PROCR: variants seen among roughly 807,000 people sequenced by gnomAD.
The protein encoded by PROCR is endothelial protein C receptor.
A neutral mutation model predicts 24.2 loss-of-function variants in PROCR; 22 were observed. That is an observed-to-expected ratio of 0.91 (90% CI 0.65 to 1.30). The LOEUF is 1.30. Among genes scored for constraint, PROCR ranks in the 50% most tolerant of loss-of-function variants. The pLI is 0.00. For synonymous variants in PROCR, 137 were observed against 139.2 expected (o/e 0.98, Z 0.11); for missense variants, 288 against 307.7 (o/e 0.94, Z 0.48).
chr20:35,178,507 G>GTTTTGTTTTTTTT (rs1272557859), downstream of PROCR, among the ~76,000 whole-genome samples: 290 of 34,376 alleles, frequency 8.4e-3, 107 homozygotes, highest in African/African-American at 0.023. Flanking sequence ...TCAAGTCTCA[G>GTTTTGTTTTTTTT]TTTTTTTTTT....
At chr20:35,187,403 G>A (rs181637795) in intron 1 of PROCR, among the ~76,000 whole-genome samples, 56 of 152,308 alleles carry the variant, frequency 3.7e-4, no homozygotes, top group Non-Finnish European at 1.5e-5. Context: ...TTGGGTAGCT[G>A]TAAGTGGCTT....
intron 1 of PROCR, among the ~76,000 whole-genome samples, chr20:35,212,274 C>A (rs6058205): frequency 0.03 from 4,519 of 152,210 alleles, 218 homozygotes; most frequent in African/African-American, 0.097. Flanking sequence ...ACATGGGCAG[C>A]CAGTGTCCAA....
intron 1 of PROCR, among the ~76,000 whole-genome samples, chr20:35,193,013 C>G (rs1402698131): frequency 6.6e-6 from 1 of 151,664 alleles, no homozygotes; most frequent in African/African-American, 2.4e-5. Context: ...TCAAAAGAAG[C>G]CAAACACAAA....
intron 1 of PROCR, among the ~76,000 whole-genome samples, chr20:35,205,979 C>A (rs1268738954): frequency 6.7e-6 from 1 of 149,758 alleles, no homozygotes; most frequent in Non-Finnish European, 1.5e-5. Context: ...CCGCAAATCA[C>A]ATTTCTAACA....
intron 2 of PROCR, 23 bp downstream of exon 2, chr20:35,174,976 CG>C (rs1307016317): frequency 1.6e-4 from 20 of 123,638 alleles, no homozygotes; most frequent in Non-Finnish European, 2.1e-4. Flanking sequence ...GCAGCGGGGG[CG>C]GGGTCTGGGC....
intron 1 of PROCR, among the ~76,000 whole-genome samples, chr20:35,205,530 T>C (rs1251016126): frequency 6.7e-6 from 1 of 149,612 alleles, no homozygotes; most frequent in Admixed American, 6.7e-5. Context: ...GGCAGGCGGA[T>C]CACCTGAGGT....
downstream of PROCR, among the ~76,000 whole-genome samples, chr20:35,178,276 C>T (rs540499449): frequency 2.6e-5 from 4 of 151,084 alleles, no homozygotes; most frequent in South Asian, 2.1e-4. Context: ...TGGTGGCACG[C>T]GCCTGTAATC....
chr20:35,211,462 C>A (rs1160895511), intron 1 of PROCR, among the ~76,000 whole-genome samples: 1 of 152,154 alleles, frequency 6.6e-6, no homozygotes, highest in African/African-American at 2.4e-5. Flanking sequence ...GTCATCAGGA[C>A]CTGCTGGCCT....
At chr20:35,184,139 C>G (rs896427822) in intron 1 of PROCR, among the ~76,000 whole-genome samples, 9 of 152,166 alleles carry the variant, frequency 5.9e-5, no homozygotes, top group Non-Finnish European at 1.0e-4. Flanking sequence ...CATCACACTA[C>G]CTGATTTCAA....
intron 1 of PROCR, among the ~76,000 whole-genome samples, chr20:35,197,609 G>A (rs1205290089): frequency 6.6e-6 from 1 of 151,832 alleles, no homozygotes; most frequent in African/African-American, 2.4e-5. Flanking sequence ...GGATCACAAG[G>A]TCAGGAGTTC....
At chr20:35,180,524 T>C (rs2086067893), downstream of PROCR, among the ~76,000 whole-genome samples, 1 of 152,146 alleles carries the variant, frequency 6.6e-6, no homozygotes, top group Non-Finnish European at 1.5e-5. Flanking sequence ...AAATATTCAC[T>C]CCAGAGCTCC....
intron 1 of PROCR, among the ~76,000 whole-genome samples, chr20:35,194,109 G>T (rs143610945): frequency 6.6e-6 from 1 of 152,128 alleles, no homozygotes; most frequent in Non-Finnish European, 1.5e-5. Context: ...ACTGATCATC[G>T]GTTATTGATG....
At chr20:35,173,762 C>T (rs1265964468) in intron 1 of PROCR, among the ~76,000 whole-genome samples, 2 of 152,140 alleles carry the variant, frequency 1.3e-5, no homozygotes, top group Non-Finnish European at 2.9e-5. Context: ...GAATAAACTT[C>T]GCCAGGCAGA....
At chr20:35,173,540 C>T (rs1279213968) in intron 1 of PROCR, among the ~76,000 whole-genome samples, 3 of 150,966 alleles carry the variant, frequency 2.0e-5, no homozygotes, top group East Asian at 1.9e-4. Flanking sequence ...GGCGATTCTC[C>T]TGCCTCAGCC....
chr20:35,213,999 C>T (rs957116528), intron 1 of PROCR, among the ~76,000 whole-genome samples: 1 of 151,984 alleles, frequency 6.6e-6, no homozygotes. Context: ...TGCTCCAACC[C>T]AGGAGGCAGA....
downstream of PROCR, among the ~76,000 whole-genome samples, chr20:35,179,230 C>A: frequency 3.2e-5 from 2 of 62,246 alleles, no homozygotes; most frequent in Non-Finnish European, 5.4e-5. Context: ...GAGACTCCAT[C>A]TCAAAAAAAA....
At position 35,176,367 on chromosome 20, in the gene PROCR, T is replaced by G. The variant is rs142578233; in HGVS notation, c.522T>G (p.Thr174=). Residue 174 remains threonine, a synonymous_variant, in exon 3 of 4, where the codon ACT becomes ACG. Transcript: ENST00000216968. Reference sequence around the variant, plus strand: ...AGCAGCTCAATGCCTACAACCGCACTCGGTATGAACTGCGGGAATTCCTGG... The same window carrying G: ...AGCAGCTCAATGCCTACAACCGCACGCGGTATGAACTGCGGGAATTCCTGG... ...TLQQLNAYNR[T]RYELREFLED... 1.1e-5 allele frequency: 18 copies of G among 1,614,052 alleles called. No homozygotes were observed. The African/African-American group carries it at 2.4e-4, about 22-fold the overall frequency.
chr20:35,180,450 AT>A (rs2086067157), downstream of PROCR, among the ~76,000 whole-genome samples: 1 of 152,030 alleles, frequency 6.6e-6, no homozygotes, highest in African/African-American at 2.4e-5. Flanking sequence ...AAGTTCGGTC[AT>A]TTTGGCCAAC....
At chr20:35,205,617 G>T (rs1425880383) in intron 1 of PROCR, among the ~76,000 whole-genome samples, 1 of 149,524 alleles carries the variant, frequency 6.7e-6, no homozygotes, top group South Asian at 2.1e-4. Flanking sequence ...CGGGTGTGGT[G>T]GTGCATGCTT....
Sources: gnomAD v4.1 joint callset for allele counts (sites outside exome capture counted in the v4.1 genomes callset) on GRCh38, gnomAD v4.1.1 for gene constraint, MANE v1.5 for transcripts, NCBI Gene and HGNC (gene_info 2026-07-23, HGNC 2026-07-21) for gene names.